LAMA2: variants seen among roughly 807,000 people sequenced by gnomAD.
LAMA2 encodes the protein laminin subunit alpha 2.
A neutral mutation model predicts 364.8 loss-of-function variants in LAMA2; 269 were observed. The observed-to-expected ratio is 0.74, with a 90% CI of 0.67 to 0.82. The LOEUF (loss-of-function observed/expected upper bound fraction) is 0.82, where lower values mean the gene tolerates loss of function less well. LAMA2 is among the 40% of genes least tolerant of loss of function. LAMA2 has a pLI of 0.00. For missense variants in LAMA2, 3,807 were observed against 3,873.2 expected, an observed-to-expected ratio of 0.98 and a Z score of 0.45; for synonymous variants, 1,379 against 1,370.6, an observed-to-expected ratio of 1.01 and a Z score of -0.14.
chr6:129,506,723 A>G (rs530818417), intron 61 of LAMA2, among the ~76,000 whole-genome samples: 48 of 152,042 alleles, frequency 3.2e-4, no homozygotes, highest in Non-Finnish European at 6.5e-4. Context: ...GATAATGTAG[A>G]TTTGTTCATT....
chr6:129,209,944 C>T (rs1337948985), intron 12 of LAMA2, among the ~76,000 whole-genome samples: 3 of 143,194 alleles, frequency 2.1e-5, no homozygotes, highest in South Asian at 2.2e-4. Flanking sequence ...GTGGAGCTTG[C>T]AGTGAGCCGT....
chr6:129,193,259 C>T (rs765536786), intron 12 of LAMA2, among the ~76,000 whole-genome samples: 1 of 152,156 alleles, frequency 6.6e-6, no homozygotes, highest in South Asian at 2.1e-4. Flanking sequence ...AAAACTGATA[C>T]TCAGGAGATT....
Position 129,154,662 on chromosome 6 carries a change from T to C in LAMA2, c.1185T>C (p.Asp395=). The change falls in exon 8 of 65, where the codon GAT becomes GAC. Residue 395 remains aspartate (D), a synonymous_variant. Transcript: ENST00000421865. The part of the protein sequence containing the change: ...TAGINCETCT[D]GFFRPKGVSP... ...GTATAAACTGCGAGACATGTACTGA[T>C]GGCTTCTTCAGACCCAAAGGGGTAA... 1 of 1,614,064 alleles carries C rather than the reference T, an allele frequency of 6.2e-7. No homozygotes were observed. The highest frequency in any genetic ancestry group is 8.5e-7 in the Non-Finnish European group (1 of 1,179,942).
chr6:129,277,156 A>G (rs1220596547), intron 17 of LAMA2, among the ~76,000 whole-genome samples: 1 of 152,006 alleles, frequency 6.6e-6, no homozygotes, highest in Admixed American at 6.6e-5. Context: ...ATAATCCGGG[A>G]TGAAGAACAT....
At chr6:129,202,236 C>A (rs1583239788) in intron 12 of LAMA2, among the ~76,000 whole-genome samples, 1 of 148,256 alleles carries the variant, frequency 6.7e-6, no homozygotes, top group South Asian at 2.2e-4. Context: ...ACAACAGGTG[C>A]AGAGGAACAA....
intron 42 of LAMA2, among the ~76,000 whole-genome samples, chr6:129,440,203 A>T (rs1782036567): frequency 6.6e-6 from 1 of 152,124 alleles, no homozygotes; most frequent in African/African-American, 2.4e-5. Flanking sequence ...TATACAAATT[A>T]GGATCAGGAG....
chr6:129,027,253 T>C lies in LAMA2; in HGVS notation c.113-22665T>C, dbSNP rs184455332. On this transcript the variant is annotated intron_variant, in intron 1 of 64. Transcript: ENST00000421865. Reference sequence around the variant, plus strand: ...ATGTTCCAAGGATAGCTATGTCTTATACATAACAAGCACTTCATCATTATT... The same window carrying C: ...ATGTTCCAAGGATAGCTATGTCTTACACATAACAAGCACTTCATCATTATT... Among the ~76,000 whole-genome samples the C allele has an allele frequency of 7.9e-5, 12 of 152,196 alleles. No individual in the cohort carries two copies. The East Asian group carries it at 2.1e-3, about 27-fold the overall frequency.
intron 30 of LAMA2, among the ~76,000 whole-genome samples, chr6:129,346,893 A>C (rs891868508): frequency 6.6e-6 from 1 of 152,172 alleles, no homozygotes; most frequent in Non-Finnish European, 1.5e-5. Context: ...CAAACAGATG[A>C]GACTTGTGCA....
rs191464492 is a variant in LAMA2, at chr6:129,018,430, G to A, written c.113-31488G>A. ...TAATATGATATATTAAAAGTGATAC[G>A]AAAGTCAAAGGAAAGATTGATGAGA... On this transcript the variant is annotated intron_variant, in intron 1 of 64. Transcript: ENST00000421865. 1.7e-4 allele frequency among the ~76,000 whole-genome samples: 26 copies of A among 151,178 alleles called. 1 individual carries two copies. The highest frequency in any genetic ancestry group is 3.4e-3 in the Middle Eastern group (1 of 294).
chr6:129,412,921 A>G (rs1352315313), intron 40 of LAMA2, among the ~76,000 whole-genome samples: 1 of 152,252 alleles, frequency 6.6e-6, no homozygotes, highest in African/African-American at 2.4e-5. Flanking sequence ...TAGGAGGCAC[A>G]TAGGATATTT....
At chr6:129,258,355 C>G (rs555190264) in intron 14 of LAMA2, among the ~76,000 whole-genome samples, 2 of 151,992 alleles carry the variant, frequency 1.3e-5, no homozygotes, top group African/African-American at 4.8e-5. Context: ...AAATATTCAT[C>G]AACTGATGAA....
At chr6:129,004,927 A>G (rs1784352082) in intron 1 of LAMA2, among the ~76,000 whole-genome samples, 1 of 152,228 alleles carries the variant, frequency 6.6e-6, no homozygotes, top group East Asian at 1.9e-4. Flanking sequence ...CTTGATTTCA[A>G]TTTATGCAAT....
intron 1 of LAMA2, among the ~76,000 whole-genome samples, chr6:128,939,270 A>G (rs995807008): frequency 2.6e-5 from 4 of 152,200 alleles, no homozygotes; most frequent in East Asian, 3.9e-4. Flanking sequence ...TCTTGTGTCC[A>G]TGATAGACTT....
chr6:129,033,629 G>A (rs1013546960), intron 1 of LAMA2, among the ~76,000 whole-genome samples: 13 of 151,722 alleles, frequency 8.6e-5, no homozygotes, highest in African/African-American at 2.9e-4. Flanking sequence ...TTCATTTTCC[G>A]TGACTTGAAA....
At chr6:129,161,283 T>G (rs1779424629) in intron 8 of LAMA2, among the ~76,000 whole-genome samples, 1 of 152,136 alleles carries the variant, frequency 6.6e-6, no homozygotes, top group Non-Finnish European at 1.5e-5. Flanking sequence ...TTTATTTTCA[T>G]TTAAAAGATT....
chr6:128,946,578 G>A (rs34328979), intron 1 of LAMA2, among the ~76,000 whole-genome samples: 19,433 of 152,136 alleles, frequency 0.13, 1,563 homozygotes, highest in African/African-American at 0.23. Flanking sequence ...AAGTTCAACC[G>A]TCATAAATTG....
intron 3 of LAMA2, among the ~76,000 whole-genome samples, chr6:129,087,857 G>T (rs1022265558): frequency 6.6e-6 from 1 of 151,100 alleles, no homozygotes; most frequent in African/African-American, 2.4e-5. Flanking sequence ...CATAAGCTTG[G>T]AAATAGATGA....
chr6:129,243,871 G>A (rs556334156), intron 12 of LAMA2, among the ~76,000 whole-genome samples: 1 of 151,628 alleles, frequency 6.6e-6, no homozygotes, highest in Non-Finnish European at 1.5e-5. Context: ...GAAGAAGAAG[G>A]AGGAGGAAGA....
At chr6:128,994,636 C>T in intron 1 of LAMA2, among the ~76,000 whole-genome samples, 1 of 151,944 alleles carries the variant, frequency 6.6e-6, no homozygotes, top group East Asian at 1.9e-4. Flanking sequence ...GAGTACATAC[C>T]TAATACTATC....
Sources: allele counts gnomAD v4.1 joint callset (sites outside exome capture counted in the v4.1 genomes callset), GRCh38; gene constraint gnomAD v4.1.1; transcripts MANE v1.5; gene names NCBI Gene and HGNC (gene_info 2026-07-23, HGNC 2026-07-21).